Variants in TMEM163 observed in about 807,000 individuals in gnomAD.
TMEM163 encodes transmembrane protein 163.
TMEM163 carries 17 observed loss-of-function variants against 29.3 expected under a neutral mutation model. The ratio of observed to expected loss-of-function variants is 0.58; its 90% CI spans 0.40 to 0.87. TMEM163 has a LOEUF of 0.87. Ranked by LOEUF, TMEM163 falls within the 40% of genes least tolerant of loss-of-function variation. The pLI is 0.00. For missense variants in TMEM163, 303 were observed against 381.5 expected (o/e 0.79, Z 1.71); for synonymous variants, 157 against 160.6 (o/e 0.98, Z 0.17).
chr2:134,509,663 A>G (rs1003118062), intron 4 of TMEM163, among the ~76,000 whole-genome samples: 2 of 152,206 alleles, frequency 1.3e-5, no homozygotes, highest in African/African-American at 4.8e-5. Flanking sequence ...CAAAATCTAT[A>G]CCCAGCCTCC....
chr2:134,616,975 T>C (rs1043568102), intron 2 of TMEM163, among the ~76,000 whole-genome samples: 4 of 152,160 alleles, frequency 2.6e-5, no homozygotes, highest in African/African-American at 9.7e-5. Flanking sequence ...CTCCATATGG[T>C]AACATGAATG....
At chr2:134,508,639 C>G (rs559634668) in intron 4 of TMEM163, among the ~76,000 whole-genome samples, 38 of 152,294 alleles carry the variant, frequency 2.5e-4, no homozygotes, top group Admixed American at 2.2e-3. Context: ...CTGGTTAAGA[C>G]TCCACCCCTC....
chr2:134,547,215 A>T (rs1048110388), intron 4 of TMEM163, among the ~76,000 whole-genome samples: 6 of 152,242 alleles, frequency 3.9e-5, no homozygotes, highest in African/African-American at 1.4e-4. Flanking sequence ...AAATAAAAAT[A>T]AAAATTCACA....
At chr2:134,610,517 C>A (rs927524429) in intron 2 of TMEM163, among the ~76,000 whole-genome samples, 24 of 152,328 alleles carry the variant, frequency 1.6e-4, no homozygotes, top group Admixed American at 7.2e-4. Flanking sequence ...GATGCTGCTG[C>A]TGATGATCTG....
At chr2:134,655,927 T>C (rs937289230) in intron 2 of TMEM163, among the ~76,000 whole-genome samples, 5 of 142,818 alleles carry the variant, frequency 3.5e-5, no homozygotes, top group Admixed American at 2.7e-4. Flanking sequence ...AGCTGTGTGC[T>C]GGGAGAACCA....
intron 4 of TMEM163, among the ~76,000 whole-genome samples, chr2:134,509,786 T>C (rs1352333446): frequency 6.6e-6 from 1 of 151,736 alleles, no homozygotes; most frequent in African/African-American, 2.4e-5. Flanking sequence ...GAACTAAGAG[T>C]GATAAAACAC....
chr2:134,505,414 G>A (rs1367700581), intron 4 of TMEM163, among the ~76,000 whole-genome samples: 1 of 151,996 alleles, frequency 6.6e-6, no homozygotes, highest in Non-Finnish European at 1.5e-5. Context: ...CTGTCCCTAG[G>A]AAGCTTCCAC....
In TMEM163 at chr2:134,456,686, T is replaced by A; in HGVS notation, c.*30A>T. ...TTTGCCTATGTGGAAACTCCTCATC[T>A]CGATGGTCTCATGCGGATGCTGGCC... On this transcript the variant is annotated 3_prime_UTR_variant, in exon 8 of 8. Transcript: ENST00000281924. The A allele has an allele frequency of 6.2e-7, 1 of 1,613,196 alleles. No individual in the cohort carries two copies. Among genetic ancestry groups the A allele is most frequent in the East Asian group, 2.2e-5 (1 of 44,870 alleles).
Position 134,543,766 on chromosome 2 carries a change from C to T in TMEM163, c.458+6804G>A, listed in dbSNP as rs149386823. Reference sequence around the variant, plus strand: ...TTTGGCTCAGCAAATTGGAAAAGAACGCACAGCAAGCAGCCTGGGTGAGAA... The same window carrying T: ...TTTGGCTCAGCAAATTGGAAAAGAATGCACAGCAAGCAGCCTGGGTGAGAA... On this transcript the variant is annotated intron_variant, in intron 4 of 7. Coordinates refer to ENST00000281924, the MANE Select transcript of TMEM163 (RefSeq NM_030923.5). Among the ~76,000 whole-genome samples, 908 of 152,276 alleles carry T rather than the reference C, an allele frequency of 6.0e-3. 13 individuals carry two copies. In the Middle Eastern group the frequency reaches 0.12, roughly 19 times the overall value.
At chr2:134,713,122 A>G in intron 2 of TMEM163, 78 bp downstream of exon 2, 1 of 1,559,334 alleles carries the variant, frequency 6.4e-7, no homozygotes, top group East Asian at 2.2e-5. Context: ...ACTAAAAGCA[A>G]AAGCACATCC....
At chr2:134,668,520 A>G (rs1683917920) in intron 2 of TMEM163, among the ~76,000 whole-genome samples, 1 of 150,268 alleles carries the variant, frequency 6.7e-6, no homozygotes, top group Non-Finnish European at 1.5e-5. Context: ...CTTAGAGAAC[A>G]CAGAGATTGT....
At chr2:134,701,819 G>T (rs1684709738) in intron 2 of TMEM163, among the ~76,000 whole-genome samples, 1 of 151,326 alleles carries the variant, frequency 6.6e-6, no homozygotes, top group South Asian at 2.1e-4. Flanking sequence ...TTGGGAGGCT[G>T]AGGCAGGAGA....
chr2:134,458,098 G>T lies in TMEM163; in HGVS notation c.743C>A (p.Ala248Glu). The T allele has an allele frequency of 6.2e-7, 1 of 1,614,180 alleles. No individual in the cohort carries two copies. The highest frequency in any genetic ancestry group is 8.5e-7 in the Non-Finnish European group (1 of 1,180,028). The change falls in exon 7 of 8, where the codon GCG becomes GAG. Residue 248 changes from alanine to glutamate, a missense_variant. Coordinates refer to ENST00000281924, the MANE Select transcript of TMEM163 (RefSeq NM_030923.5). ...LSAEVFKHDSAVWYLDGSIGV... is the reference protein window; with the variant it reads ...LSAEVFKHDSEVWYLDGSIGV... ...TATGCTGCCGTCCAGGTACCAGACC[G>T]CCGAGTCATGCTTGAACACTTCCGC... is the stretch of plus-strand genomic sequence containing the variant.
intron 2 of TMEM163, among the ~76,000 whole-genome samples, chr2:134,567,462 C>T (rs751942620): frequency 3.9e-5 from 6 of 152,208 alleles, no homozygotes; most frequent in Admixed American, 2.0e-4. Context: ...GAGGCCGAGG[C>T]GGGAGGATCA....
rs184456721 is a variant in TMEM163, at chr2:134,687,582, G to A, written c.322+25618C>T. Among the ~76,000 whole-genome samples, 168 of 152,292 alleles carry A rather than the reference G, an allele frequency of 1.1e-3. 1 individual carries two copies. The highest frequency in any genetic ancestry group is 7.2e-4 in the Non-Finnish European group (49 of 68,034). ...GTGGCTGTGACAAAGTGAATATGGC[G>A]AAGGTGGCAAAACTCGTTCTTAAAT... On this transcript the variant is annotated intron_variant, in intron 2 of 7. Transcript: ENST00000281924.
chr2:134,670,346 A>G (rs1012251566), intron 2 of TMEM163, among the ~76,000 whole-genome samples: 8 of 152,142 alleles, frequency 5.3e-5, no homozygotes, highest in South Asian at 2.1e-4. Flanking sequence ...AGCATCTCAC[A>G]CAGGAGTTGG....
chr2:134,679,829 T>TG (rs1423670566), intron 2 of TMEM163, among the ~76,000 whole-genome samples: 1 of 152,164 alleles, frequency 6.6e-6, no homozygotes, highest in Non-Finnish European at 1.5e-5. Context: ...AGCTGAATTA[T>TG]GGGGAAGTGA....
intron 2 of TMEM163, among the ~76,000 whole-genome samples, chr2:134,580,581 T>C (rs1334526360): frequency 6.6e-6 from 1 of 152,148 alleles, no homozygotes; most frequent in Admixed American, 6.5e-5. Context: ...AAGAAATTAA[T>C]CTGGAATTAG....
chr2:134,585,182 T>A (rs1681785089), intron 2 of TMEM163, among the ~76,000 whole-genome samples: 1 of 152,222 alleles, frequency 6.6e-6, no homozygotes, highest in African/African-American at 2.4e-5. Flanking sequence ...TTTTTCTTTT[T>A]TAGAGACAGG....
Sources: gnomAD v4.1 joint callset for allele counts (sites outside exome capture counted in the v4.1 genomes callset) on GRCh38, gnomAD v4.1.1 for gene constraint, MANE v1.5 for transcripts, NCBI Gene and HGNC (gene_info 2026-07-23, HGNC 2026-07-21) for gene names.